ANKRD66: variants seen among roughly 807,000 people sequenced by gnomAD.
ANKRD66 encodes the protein ankyrin repeat domain 66, also known as ankyrin repeat domain-containing protein 66.
A neutral mutation model predicts 10.9 loss-of-function variants in ANKRD66; 10 were observed. The ratio of observed to expected loss-of-function variants is 0.91; its 90% CI spans 0.56 to 1.55. The LOEUF is 1.55. Among genes scored for constraint, ANKRD66 ranks in the 40% most tolerant of loss-of-function variants. The pLI is 0.00. For synonymous variants in ANKRD66, 85 were observed against 88.4 expected, an observed-to-expected ratio of 0.96 and a Z score of 0.22; for missense variants, 252 against 242.9, an observed-to-expected ratio of 1.04 and a Z score of -0.25.
Position 46,753,725 on chromosome 6 carries a change from A to T in ANKRD66, c.167A>T (p.Gln56Leu). 1 of 1,547,370 alleles carries T rather than the reference A, an allele frequency of 6.5e-7. No individual in the cohort carries two copies. Among genetic ancestry groups the T allele is most frequent in the Non-Finnish European group, 8.7e-7 (1 of 1,144,876 alleles). ...GTTTCTTTTTGGTACATCTAAGGGC[A>T]AATGGAGGTGATACGGCTCCTGATA... ...TPLHWAAIKG[Q>L]MEVIRLLIEY... Residue 56 changes from glutamine (Q) to leucine (L), a missense_variant, in exon 4 of 5, where the codon CAA becomes CTA. By Grantham distance (113) the Gln-to-Leu change is moderately radical. Coordinates refer to ENST00000565422, the MANE Select transcript of ANKRD66 (RefSeq NM_001162435.3).
At chr6:46,747,225 TA>T (rs1562089123) in intron 1 of ANKRD66, among the ~76,000 whole-genome samples, 1 of 152,200 alleles carries the variant, frequency 6.6e-6, no homozygotes, top group Non-Finnish European at 1.5e-5. Flanking sequence ...GAGTTGTATA[TA>T]TTTTCTGCAA....
chr6:46,758,650 G>A, intron 4 of ANKRD66, 73 bp from the exon 5 acceptor site: 2 of 1,420,458 alleles, frequency 1.4e-6, no homozygotes, highest in Non-Finnish European at 1.9e-6. Context: ...CAGAACCTGT[G>A]AATAAAGGCC....
chr6:46,750,477 A>G (rs1398646748), intron 2 of ANKRD66, among the ~76,000 whole-genome samples: 1 of 151,906 alleles, frequency 6.6e-6, no homozygotes, highest in African/African-American at 2.4e-5. Flanking sequence ...TTAATAGAAG[A>G]CAGCTGGATT....
At position 46,758,967 on chromosome 6, in the gene ANKRD66, G is replaced by A. The variant is rs1352352854; in HGVS notation, c.*46G>A. On this transcript the variant is annotated 3_prime_UTR_variant, in exon 5 of 5. Transcript: ENST00000565422. ...TGGCAAGGAACTTTCCCTGGTGCCA[G>A]AAATGAGGCTGTTAGGCATGGTGGC... 1 of 1,494,296 alleles carries A rather than the reference G, an allele frequency of 6.7e-7. No individual in the cohort carries two copies. Among genetic ancestry groups the A allele is most frequent in the Non-Finnish European group, 9.0e-7 (1 of 1,115,304 alleles). The allele number at this position is 1,494,296 out of a possible 1,614,324, so 92.6% of individuals were successfully genotyped here. A position where few individuals can be genotyped will look rare whatever the true frequency, so the allele number is the denominator to read the frequency against.
chr6:46,748,652 C>T (rs1766194993), intron 1 of ANKRD66, among the ~76,000 whole-genome samples: 1 of 152,126 alleles, frequency 6.6e-6, no homozygotes, highest in Admixed American at 6.5e-5. Flanking sequence ...CAAAACATGC[C>T]CAATCCTTGT....
intron 2 of ANKRD66, among the ~76,000 whole-genome samples, chr6:46,750,445 C>T (rs1310672509): frequency 6.6e-6 from 1 of 151,844 alleles, no homozygotes; most frequent in Non-Finnish European, 1.5e-5. Context: ...CTCTCCCCTG[C>T]CCAATCTCTT....
At chr6:46,757,788 T>C (rs1260363184) in intron 4 of ANKRD66, 1 of 152,256 alleles carries the variant, frequency 6.6e-6, no homozygotes, top group African/African-American at 2.4e-5. Flanking sequence ...AGTTCTACTA[T>C]GTGTATGTCA....
rs913779851 is a variant in ANKRD66, at chr6:46,747,859, G to T, written c.-97+869G>T. On this transcript the variant is annotated intron_variant, in intron 1 of 4. Coordinates refer to ENST00000565422, the MANE Select transcript of ANKRD66 (RefSeq NM_001162435.3). The stretch of plus-strand genomic sequence containing the variant: ...CCATTTCAAAACTTACTACAAACCT[G>T]CAGTAATCAGGACTGTGTAGTACTA... 5.9e-5 allele frequency among the ~76,000 whole-genome samples: 9 copies of T among 152,140 alleles called. No individual in the cohort carries two copies. The East Asian group carries it at 1.7e-3, about 29-fold the overall frequency.
At chr6:46,758,681 T>A in intron 4 of ANKRD66, 42 bp from the exon 5 acceptor site, 1 of 1,498,932 alleles carries the variant, frequency 6.7e-7, no homozygotes, top group South Asian at 1.3e-5. Flanking sequence ...CTGGAACAGG[T>A]CCTCCTGATC....
chr6:46,755,474 T>G (rs1766364246), intron 4 of ANKRD66, among the ~76,000 whole-genome samples: 1 of 152,222 alleles, frequency 6.6e-6, no homozygotes, highest in South Asian at 2.1e-4. Context: ...ATTTTTCAAG[T>G]CTCACACCTG....
chr6:46,751,079 AT>A (rs1270773150), intron 2 of ANKRD66, among the ~76,000 whole-genome samples: 1 of 152,180 alleles, frequency 6.6e-6, no homozygotes, highest in Non-Finnish European at 1.5e-5. Flanking sequence ...AATAATTCTT[AT>A]TGTTTCATTT....
At chr6:46,751,884 G>A (rs373755359) in intron 2 of ANKRD66, 53 bp from the exon 3 acceptor site, 33 of 1,369,978 alleles carry the variant, frequency 2.4e-5, no homozygotes, top group African/African-American at 6.1e-5. Context: ...GGGATTACTC[G>A]CTAGGAATAA....
In ANKRD66 at chr6:46,758,408, G is replaced by A. The variant is rs111473477; in HGVS notation, c.393-315G>A. 884 of 234,760 alleles carry A rather than the reference G, an allele frequency of 3.8e-3. 8 individuals carry two copies. The highest frequency in any genetic ancestry group is 0.017 in the African/African-American group (772 of 44,610). 14.5% of individuals were successfully genotyped at this position (234,760 alleles called of 1,614,324 possible). On this transcript the variant is annotated intron_variant, in intron 4 of 4. Transcript: ENST00000565422. ...ATGAAAAATAAAACTAAAAATAAAC[G>A]AAAACAGTCTCGCAATAATCTGCAG...
chr6:46,747,549 A>G (rs1766175986), intron 1 of ANKRD66, among the ~76,000 whole-genome samples: 1 of 152,254 alleles, frequency 6.6e-6, no homozygotes, highest in South Asian at 2.1e-4. Flanking sequence ...ACATGGAGGT[A>G]TGCAATATGT....
At chr6:46,758,070 C>A (rs1766415972) in intron 4 of ANKRD66, 1 of 152,150 alleles carries the variant, frequency 6.6e-6, no homozygotes, top group Admixed American at 6.5e-5. Context: ...TTCCCTATAC[C>A]ATTATCTATC....
At chr6:46,750,672 A>T (rs1242293757) in intron 2 of ANKRD66, among the ~76,000 whole-genome samples, 2 of 148,662 alleles carry the variant, frequency 1.3e-5, no homozygotes, top group African/African-American at 4.9e-5. Context: ...TATTATATAC[A>T]CATATACACA....
At chr6:46,747,021 T>G in intron 1 of ANKRD66, 31 bp downstream of exon 1, 1 of 1,528,934 alleles carries the variant, frequency 6.5e-7, no homozygotes, top group Non-Finnish European at 8.8e-7. Flanking sequence ...CTCTCTTATT[T>G]ACTATAGTTA....
chr6:46,757,795 G>T (rs1354348953), intron 4 of ANKRD66: 1 of 152,210 alleles, frequency 6.6e-6, no homozygotes, highest in African/African-American at 2.4e-5. Context: ...CTATGTGTAT[G>T]TCATTGAGTT....
At chr6:46,756,981 A>G (rs2150728580) in intron 4 of ANKRD66, 1 of 152,204 alleles carries the variant, frequency 6.6e-6, no homozygotes, top group African/African-American at 2.4e-5. Flanking sequence ...GCCCCTCCCT[A>G]GTGACCAGGG....
Sources: allele counts gnomAD v4.1 joint callset (sites outside exome capture counted in the v4.1 genomes callset), GRCh38; gene constraint gnomAD v4.1.1; transcripts MANE v1.5; gene names NCBI Gene and HGNC (gene_info 2026-07-23, HGNC 2026-07-21).